Variants in ASB2 observed in about 807,000 individuals in gnomAD.
ASB2 encodes ankyrin repeat and SOCS box protein 2.
ASB2 carries 58 observed loss-of-function variants against 62.4 expected under a neutral mutation model. The observed-to-expected ratio is 0.93, with a 90% CI of 0.75 to 1.16. The LOEUF (loss-of-function observed/expected upper bound fraction) is 1.16. ASB2 is among the 50% of genes most tolerant of loss of function. The pLI is 0.00. For missense variants in ASB2, 928 were observed against 887.9 expected, an observed-to-expected ratio of 1.05 and a Z score of -0.57; for synonymous variants, 386 against 385.3, an observed-to-expected ratio of 1.00 and a Z score of -0.02.
intron 7 of ASB2, among the ~76,000 whole-genome samples, chr14:93,944,824 C>T (rs1163783516): frequency 1.3e-5 from 2 of 152,190 alleles, no homozygotes; most frequent in Non-Finnish European, 2.9e-5. Flanking sequence ...CACAGTGTTC[C>T]AGGCAGGACG....
At chr14:93,939,739 G>A (rs1357796436) in intron 7 of ASB2, 67 bp from the exon 8 acceptor site, 8 of 1,233,938 alleles carry the variant, frequency 6.5e-6, no homozygotes, top group South Asian at 1.9e-5. Context: ...GGCCGGCCCC[G>A]CCAGCAGGAG....
chr14:93,952,489 A>G (rs564527731), intron 5 of ASB2, among the ~76,000 whole-genome samples: 1 of 152,352 alleles, frequency 6.6e-6, no homozygotes, highest in South Asian at 2.1e-4. Context: ...AATCAGGGAT[A>G]TCTGTAATTT....
chr14:93,946,888 T>G (rs568768510), intron 7 of ASB2, among the ~76,000 whole-genome samples: 1 of 152,372 alleles, frequency 6.6e-6, no homozygotes, highest in South Asian at 2.1e-4. Context: ...CCCGGAAATA[T>G]TCATTAGCTC....
chr14:93,973,610 T>C (rs1275365481), intron 1 of ASB2, among the ~76,000 whole-genome samples: 1 of 152,190 alleles, frequency 6.6e-6, no homozygotes. Flanking sequence ...GCCCCTGAGC[T>C]ATTGAGTCTC....
At chr14:93,967,308 G>A (rs1889623819) in intron 1 of ASB2, among the ~76,000 whole-genome samples, 2 of 151,894 alleles carry the variant, frequency 1.3e-5, no homozygotes, top group Admixed American at 1.3e-4. Flanking sequence ...GTGGCGGGGG[G>A]AAGGGGCTCT....
rs1257643340 is a variant in ASB2 at position 93,951,207 on chromosome 14, C to T, written c.672G>A (p.Leu224=). 1.2e-6 allele frequency: 2 copies of T among 1,610,430 alleles called. No individual in the cohort carries two copies. The highest frequency in any genetic ancestry group is 1.7e-5 in the Admixed American group (1 of 59,986). ...ERKNAEAVKI[L]VQHNADTNHR... is the part of the protein sequence containing the mutation. ...GGTTGGTGTCTGCATTGTGCTGCAC[C>T]AGAATCTTCACGGCCTCCGCGTTCT... Residue 224 remains leucine (L), a synonymous_variant, in exon 6 of 10, where the codon CTG becomes CTA. Coordinates refer to ENST00000555019, the MANE Select transcript of ASB2 (RefSeq NM_001202429.2).
Position 93,974,878 on chromosome 14 carries a change from A to G in ASB2, c.-74+1556T>C, listed in dbSNP as rs1167990948. Among the ~76,000 whole-genome samples the G allele has an allele frequency of 2.6e-5, 4 of 152,206 alleles. No homozygotes were observed. In the South Asian group the frequency reaches 6.2e-4, roughly 24 times the overall value. On this transcript the variant is annotated intron_variant, in intron 1 of 9. Transcript: ENST00000555019. ...ATGGCCTGTGTTGTTGTTCACTGTGAGGTCACCGTGCGTGGGTTAGACAGT... is the reference window on the plus strand; with the variant it reads ...ATGGCCTGTGTTGTTGTTCACTGTGGGGTCACCGTGCGTGGGTTAGACAGT...
chr14:93,975,657 A>G (rs1889891374), intron 1 of ASB2, among the ~76,000 whole-genome samples: 1 of 151,782 alleles, frequency 6.6e-6, no homozygotes, highest in African/African-American at 2.4e-5. Context: ...CCTCACCCCC[A>G]TTTTTCACAT....
In ASB2 at chr14:93,939,582, G is replaced by C. The variant is rs781584934; in HGVS notation, c.1143C>G (p.His381Gln). Residue 381 changes from histidine (H) to glutamine (Q), a missense_variant, in exon 8 of 10, where the codon CAC (histidine) becomes CAG (glutamine). His to Gln is a conservative substitution (Grantham distance 24). Coordinates refer to ENST00000555019, the MANE Select transcript of ASB2 (RefSeq NM_001202429.2). Reference sequence around the variant, plus strand: ...TCAGCAGCGCCTCCAGCACCTCGTCGTGGTTGCGCTCGGCCGCCAGGTGCA... The same window carrying C: ...TCAGCAGCGCCTCCAGCACCTCGTCCTGGTTGCGCTCGGCCGCCAGGTGCA... ...SPLHLAAERN[H>Q]DEVLEALLSA... is the part of the protein sequence containing the mutation. 1.3e-6 allele frequency: 2 copies of C among 1,580,896 alleles called. No individual in the cohort carries two copies. Among genetic ancestry groups the C allele is most frequent in the African/African-American group, 1.4e-5 (1 of 73,832 alleles).
chr14:93,939,389 G>A lies in ASB2; in HGVS notation c.1336C>T (p.Leu446Phe), dbSNP rs1567019348. Residue 446 changes from leucine (L) to phenylalanine (F), a missense_variant, in exon 8 of 10, where the codon CTC becomes TTC. Coordinates refer to ENST00000555019, the MANE Select transcript of ASB2 (RefSeq NM_001202429.2). ...AGGCAGCCGTGGCGGATGGCCACGA[G>A]CAAGGGGCTGATGACGTCGCGGTTG... ...DPNRDVISPL[L>F]VAIRHGCLRT... The A allele has an allele frequency of 1.2e-6, 2 of 1,612,884 alleles. No individual in the cohort carries two copies. The highest frequency in any genetic ancestry group is 1.7e-6 in the Non-Finnish European group (2 of 1,179,832).
intron 7 of ASB2, chr14:93,941,677 A>G (rs767074266): frequency 4.4e-6 from 2 of 456,142 alleles, no homozygotes; most frequent in South Asian, 3.1e-5. Context: ...AACGTGCCCA[A>G]GAACGGGAAA....
Position 93,945,489 on chromosome 14 carries a change from C to T in ASB2, c.1052+1860G>A, listed in dbSNP as rs180858484. 9.4e-4 allele frequency among the ~76,000 whole-genome samples: 143 copies of T among 152,302 alleles called. 1 individual carries two copies. In the East Asian group the frequency reaches 0.016, roughly 17 times the overall value. On this transcript the variant is annotated intron_variant, in intron 7 of 9. Coordinates refer to ENST00000555019, the MANE Select transcript of ASB2 (RefSeq NM_001202429.2). ...TAGGTGCTTTTTTCCATTCTATATC[C>T]GTACGTATCCATTTTACTGGTCCTC...
At chr14:93,937,984 C>T in intron 8 of ASB2, 133 bp from the exon 9 acceptor site, 2 of 924,384 alleles carry the variant, frequency 2.2e-6, no homozygotes, top group Admixed American at 5.6e-5. Flanking sequence ...AACCATGTCC[C>T]CTCAACACAG....
At chr14:93,956,528 G>GT (rs937935400) in intron 3 of ASB2, among the ~76,000 whole-genome samples, 2 of 152,114 alleles carry the variant, frequency 1.3e-5, no homozygotes, top group Non-Finnish European at 1.5e-5. Context: ...TCTGAGGGGG[G>GT]GATCACCAGC....
intron 4 of ASB2, among the ~76,000 whole-genome samples, chr14:93,953,985 A>G (rs1022463947): frequency 2.0e-5 from 3 of 152,162 alleles, no homozygotes; most frequent in Non-Finnish European, 4.4e-5. Context: ...TTGGCCGGGC[A>G]CAGGCACAGC....
chr14:93,934,828 C>A, intron 9 of ASB2, 36 bp from the exon 10 acceptor site: 1 of 1,587,492 alleles, frequency 6.3e-7, no homozygotes, highest in Non-Finnish European at 8.7e-7. Flanking sequence ...GCTGATTTGT[C>A]ATTTGCAATA....
intron 7 of ASB2, chr14:93,942,138 A>G: frequency 2.2e-6 from 1 of 454,930 alleles, no homozygotes; most frequent in South Asian, 1.6e-5. Flanking sequence ...TGTGGGGCAG[A>G]GGACAGGAGG....
rs544065303 is a variant in ASB2, at chr14:93,947,060, T to A, written c.1052+289A>T. Reference sequence around the variant, plus strand: ...ACAGAGATAATAATATCCACCTCAGTGAGCTGTTAAGCAGATTAAATAAGT... The same window carrying A: ...ACAGAGATAATAATATCCACCTCAGAGAGCTGTTAAGCAGATTAAATAAGT... On this transcript the variant is annotated intron_variant, in intron 7 of 9. Coordinates refer to ENST00000555019, the MANE Select transcript of ASB2 (RefSeq NM_001202429.2). Among the ~76,000 whole-genome samples, 7 of 152,350 alleles carry A rather than the reference T, an allele frequency of 4.6e-5. No individual in the cohort carries two copies. In the South Asian group the frequency reaches 1.5e-3, roughly 32 times the overall value.
At chr14:93,953,283 C>G (rs1889039403) in intron 5 of ASB2, 69 bp downstream of exon 5, 2 of 1,406,964 alleles carry the variant, frequency 1.4e-6, no homozygotes, top group African/African-American at 2.9e-5. Context: ...ACGGGAGCAA[C>G]ATTCCCTGTT....
Sources: gnomAD v4.1 joint callset for allele counts (sites outside exome capture counted in the v4.1 genomes callset) on GRCh38, gnomAD v4.1.1 for gene constraint, MANE v1.5 for transcripts, NCBI Gene and HGNC (gene_info 2026-07-23, HGNC 2026-07-21) for gene names.